KMO: variants seen among roughly 807,000 people sequenced by gnomAD.
KMO encodes kynurenine 3-hydroxylase.
KMO carries 24 observed loss-of-function variants against 57.8 expected under a neutral mutation model. The observed-to-expected ratio is 0.42, with a 90% CI of 0.30 to 0.58. KMO has a LOEUF of 0.58. Among genes scored for constraint, KMO ranks in the 20% least tolerant of loss-of-function variants. The pLI is 0.22. For synonymous variants in KMO, 210 were observed against 193.6 expected, an observed-to-expected ratio of 1.08 and a Z score of -0.70; for missense variants, 483 against 588.2, an observed-to-expected ratio of 0.82 and a Z score of 1.85.
intron 10 of KMO, among the ~76,000 whole-genome samples, chr1:241,578,880 C>A (rs10926520): frequency 0.19 from 29,389 of 151,908 alleles, 3,084 homozygotes; most frequent in African/African-American, 0.27. Flanking sequence ...GGTGAAAGGC[C>A]CTTCTCACAT....
chr1:241,545,173 C>T (rs1043206614), intron 1 of KMO, among the ~76,000 whole-genome samples: 5 of 152,138 alleles, frequency 3.3e-5, no homozygotes, highest in African/African-American at 1.2e-4. Flanking sequence ...GAAGCACTTA[C>T]TATGTTACAA....
intron 1 of KMO, among the ~76,000 whole-genome samples, chr1:241,543,046 C>T (rs759810708): frequency 1.3e-5 from 2 of 152,234 alleles, no homozygotes; most frequent in African/African-American, 2.4e-5. Context: ...CATATTTATA[C>T]GAGATCTATT....
chr1:241,571,418 G>C (rs540741677), intron 10 of KMO, among the ~76,000 whole-genome samples: 25 of 152,088 alleles, frequency 1.6e-4, no homozygotes, highest in Non-Finnish European at 2.9e-4. Context: ...ACTAGCTGTG[G>C]TGTTGTCATA....
At chr1:241,557,002 T>C (rs771604801) in intron 5 of KMO, among the ~76,000 whole-genome samples, 30 of 151,464 alleles carry the variant, frequency 2.0e-4, no homozygotes, top group Non-Finnish European at 7.4e-5. Context: ...CCATAATCTC[T>C]GGGCACAGAA....
intron 10 of KMO, among the ~76,000 whole-genome samples, chr1:241,579,536 G>A (rs1027604012): frequency 4.6e-5 from 7 of 152,026 alleles, no homozygotes; most frequent in Non-Finnish European, 8.8e-5. Context: ...AGTAGCAGGC[G>A]GCAGTAAGCT....
chr1:241,587,377 G>A (rs772180575), intron 11 of KMO, among the ~76,000 whole-genome samples: 6 of 152,300 alleles, frequency 3.9e-5, no homozygotes, highest in East Asian at 3.9e-4. Flanking sequence ...GCCATGGACC[G>A]AGGGTTGGGG....
chr1:241,581,682 C>T (rs1003872223), intron 10 of KMO, among the ~76,000 whole-genome samples: 4 of 152,084 alleles, frequency 2.6e-5, no homozygotes, highest in Admixed American at 1.3e-4. Flanking sequence ...CTCCATCCCC[C>T]TGGCATTTTG....
intron 10 of KMO, among the ~76,000 whole-genome samples, chr1:241,585,876 G>T (rs951943248): frequency 6.6e-6 from 1 of 151,542 alleles, no homozygotes; most frequent in Non-Finnish European, 1.5e-5. Flanking sequence ...CATCCTCTCT[G>T]TATTTAGTAT....
At chr1:241,555,915 A>G in intron 5 of KMO, 1 of 311,742 alleles carries the variant, frequency 3.2e-6, no homozygotes. Context: ...GAGAGACGCT[A>G]TCACTACAAA....
intron 1 of KMO, among the ~76,000 whole-genome samples, chr1:241,544,108 G>A (rs1260548904): frequency 6.6e-6 from 1 of 152,148 alleles, no homozygotes; most frequent in Non-Finnish European, 1.5e-5. Flanking sequence ...TTAGGAGATG[G>A]ATGAATGGAT....
At chr1:241,549,202 G>GAAGGAAGA (rs1553346259) in intron 2 of KMO, among the ~76,000 whole-genome samples, 2 of 19,926 alleles carry the variant, frequency 1.0e-4, no homozygotes, top group African/African-American at 1.6e-4. Flanking sequence ...GAAAGAAAAG[G>GAAGGAAGA]AAGAAAGAAA....
chr1:241,576,125 C>T (rs1045158176), intron 10 of KMO, among the ~76,000 whole-genome samples: 2 of 151,638 alleles, frequency 1.3e-5, no homozygotes, highest in African/African-American at 4.8e-5. Context: ...TCTTTTTACA[C>T]CCCTCTACCT....
intron 7 of KMO, among the ~76,000 whole-genome samples, chr1:241,563,637 C>T (rs956704702): frequency 6.6e-6 from 1 of 152,106 alleles, no homozygotes; most frequent in Non-Finnish European, 1.5e-5. Flanking sequence ...TTGTTCCAGA[C>T]TTAAGAAGAA....
chr1:241,546,737 C>G (rs143835994), intron 1 of KMO, among the ~76,000 whole-genome samples: 1 of 152,282 alleles, frequency 6.6e-6, no homozygotes, highest in African/African-American at 2.4e-5. Context: ...TCGCAAGTTT[C>G]AATTCGGATC....
At position 241,581,640 on chromosome 1, in the gene KMO, C is replaced by A. The variant is rs1662754890; in HGVS notation, c.958-5039C>A. ...GAAAAGAAAAGAAAAGACAAACAAG[C>A]AAAGAGAAAACTAAACAACTCTACA... On this transcript the variant is annotated intron_variant, in intron 10 of 14. Coordinates refer to ENST00000366559, the MANE Select transcript of KMO (RefSeq NM_003679.5). 2.6e-5 allele frequency among the ~76,000 whole-genome samples: 4 copies of A among 151,544 alleles called. No homozygotes were observed. In the South Asian group the frequency reaches 8.5e-4, roughly 32 times the overall value.
chr1:241,594,104 C>CA lies in KMO; in HGVS notation c.*1952dup, dbSNP rs1484501055. On this transcript the variant is annotated 3_prime_UTR_variant, in exon 15 of 15. Transcript: ENST00000366559. ...CAGTAAGGTATTTTCGAGAAAAATG[C>CA]ATTACGTGTTTTGGAAAATAGAGTA... The CA allele has an allele frequency of 4.9e-5, 13 of 264,538 alleles. No homozygotes were observed. The highest frequency in any genetic ancestry group is 3.0e-4 in the African/African-American group (13 of 42,764). 16.4% of individuals were successfully genotyped at this position (264,538 alleles called of 1,614,324 possible).
In KMO at chr1:241,586,324, G is replaced by C. The variant is rs575275749; in HGVS notation, c.958-355G>C. 2.4e-4 allele frequency among the ~76,000 whole-genome samples: 35 copies of C among 146,752 alleles called. No homozygotes were observed. In the East Asian group the frequency reaches 6.8e-3, roughly 28 times the overall value. On this transcript the variant is annotated intron_variant, in intron 10 of 14. Transcript: ENST00000366559. ...AGTGGTCCTCTCACCTCAGCCTCCCGAGTAGCTGGGACCACAGGCACACAC... is the reference window on the plus strand; with the variant it reads ...AGTGGTCCTCTCACCTCAGCCTCCCCAGTAGCTGGGACCACAGGCACACAC...
intron 2 of KMO, 100 bp downstream of exon 2, chr1:241,548,998 A>C: frequency 1.3e-6 from 1 of 750,632 alleles, no homozygotes; most frequent in Non-Finnish European, 2.4e-6. Flanking sequence ...CGGGAGTTTG[A>C]GACCAGCCTG....
intron 10 of KMO, among the ~76,000 whole-genome samples, chr1:241,571,266 T>C (rs1662267826): frequency 6.6e-6 from 1 of 152,132 alleles, no homozygotes; most frequent in South Asian, 2.1e-4. Context: ...TTGGATGTTC[T>C]TTATTTCTTT....
Sources: gnomAD v4.1 joint callset for allele counts (sites outside exome capture counted in the v4.1 genomes callset) on GRCh38, gnomAD v4.1.1 for gene constraint, MANE v1.5 for transcripts, NCBI Gene and HGNC (gene_info 2026-07-23, HGNC 2026-07-21) for gene names.